Variants in SPIRE1 observed in about 807,000 individuals in gnomAD.
The protein encoded by SPIRE1 is spire type actin nucleation factor 1.
SPIRE1 carries 40 observed loss-of-function variants against 94.1 expected under a neutral mutation model. The observed-to-expected ratio is 0.43, with a 90% confidence interval of 0.33 to 0.55. The LOEUF is 0.55. SPIRE1 is among the 20% of genes least tolerant of loss of function. The pLI is 0.06. For synonymous variants in SPIRE1, 376 were observed against 371.7 expected, an observed-to-expected ratio of 1.01 and a Z score of -0.13; for missense variants, 838 against 975.2, an observed-to-expected ratio of 0.86 and a Z score of 1.87.
At chr18:12,661,273 A>C, upstream of SPIRE1, 1 of 607,204 alleles carries the variant, frequency 1.6e-6, no homozygotes, top group Non-Finnish European at 2.1e-6. Flanking sequence ...ACGCCATTGC[A>C]CCCCAGCCTG....
At chr18:12,574,018 C>G (rs971705790) in intron 2 of SPIRE1, among the ~76,000 whole-genome samples, 2 of 152,162 alleles carry the variant, frequency 1.3e-5, no homozygotes, top group South Asian at 2.1e-4. Context: ...AGATTACAGG[C>G]GTGAGCCACC....
chr18:12,635,144 T>A (rs773189895), intron 1 of SPIRE1, 48 bp from the exon 2 acceptor site: 23 of 984,910 alleles, frequency 2.3e-5, no homozygotes, highest in South Asian at 1.3e-4. Context: ...TCAGCTTTTT[T>A]AAATCATTGA....
intron 2 of SPIRE1, among the ~76,000 whole-genome samples, chr18:12,581,603 C>G (rs990951182): frequency 1.3e-5 from 2 of 152,174 alleles, no homozygotes; most frequent in African/African-American, 4.8e-5. Context: ...GTGGCTCATG[C>G]CCGTAATCCC....
intron 3 of SPIRE1, among the ~76,000 whole-genome samples, chr18:12,545,124 G>A (rs1478357582): frequency 6.6e-6 from 1 of 152,120 alleles, no homozygotes; most frequent in Non-Finnish European, 1.5e-5. Context: ...GTCATTTGTG[G>A]TCTGCAGAAA....
intron 2 of SPIRE1, among the ~76,000 whole-genome samples, chr18:12,563,032 T>A (rs1400013000): frequency 6.6e-6 from 1 of 152,148 alleles, no homozygotes; most frequent in East Asian, 1.9e-4. Context: ...AGATCTGTGT[T>A]TTCTATTGGT....
chr18:12,603,359 C>G (rs1244735589), intron 2 of SPIRE1, among the ~76,000 whole-genome samples: 1 of 152,136 alleles, frequency 6.6e-6, no homozygotes, highest in South Asian at 2.1e-4. Flanking sequence ...GTCTTCATCC[C>G]TATCTCCTGG....
intron 2 of SPIRE1, among the ~76,000 whole-genome samples, chr18:12,588,165 C>G (rs900323218): frequency 2.0e-5 from 3 of 152,118 alleles, no homozygotes; most frequent in South Asian, 2.1e-4. Context: ...TTTTTATTGT[C>G]AAATAATATT....
chr18:12,452,460 T>C, intron 15 of SPIRE1, 25 bp downstream of exon 15: 2 of 1,614,044 alleles, frequency 1.2e-6, no homozygotes, highest in Non-Finnish European at 1.7e-6. Flanking sequence ...GGAACACAAG[T>C]ATAAATGAAC....
At chr18:12,596,781 A>C (rs17616124) in intron 2 of SPIRE1, among the ~76,000 whole-genome samples, 1 of 152,192 alleles carries the variant, frequency 6.6e-6, no homozygotes, top group African/African-American at 2.4e-5. Context: ...GACAAAATAC[A>C]GTTGGGAAAT....
At chr18:12,658,919 C>T, upstream of SPIRE1, 1 of 256,852 alleles carries the variant, frequency 3.9e-6, no homozygotes, top group East Asian at 1.2e-4. Flanking sequence ...ACATTGGTCC[C>T]TTCCCTCACT....
Position 12,657,762 on chromosome 18 carries a change from G to A in SPIRE1, c.105C>T (p.Gly35=), listed in dbSNP as rs2038594284. 1 of 1,340,178 alleles carries A rather than the reference G, an allele frequency of 7.5e-7. No individual in the cohort carries two copies. Among genetic ancestry groups the A allele is most frequent in the Non-Finnish European group, 9.6e-7 (1 of 1,038,290 alleles). The allele number at this position is 1,340,178 out of a possible 1,614,324, so 83.0% of individuals were successfully genotyped here. A position where few individuals can be genotyped will look rare whatever the true frequency, so the allele number is the denominator to read the frequency against. ...EPGAAGGAAG[G]SRDALSLEEI... ...CCTCCAGGCTCAGCGCGTCCCGGGA[G>A]CCCCCGGCCGCGCCGCCGGCTGCCC... Residue 35 remains glycine (G), a synonymous_variant, in exon 1 of 17, where the codon GGC becomes GGT. Transcript: ENST00000409402.
intron 2 of SPIRE1, among the ~76,000 whole-genome samples, chr18:12,582,536 T>C (rs1462121907): frequency 2.6e-5 from 4 of 152,172 alleles, no homozygotes; most frequent in Non-Finnish European, 5.9e-5. Context: ...TCCACAATTA[T>C]TAACTAAAGC....
At chr18:12,557,989 T>C (rs1747340211) in intron 2 of SPIRE1, among the ~76,000 whole-genome samples, 1 of 152,258 alleles carries the variant, frequency 6.6e-6, no homozygotes, top group South Asian at 2.1e-4. Flanking sequence ...GGAATGAAAC[T>C]AGACCCCTAT....
intron 1 of SPIRE1, among the ~76,000 whole-genome samples, chr18:12,641,978 C>A (rs1053892454): frequency 6.6e-6 from 1 of 151,604 alleles, no homozygotes; most frequent in Non-Finnish European, 1.5e-5. Context: ...ACTACAGGCA[C>A]GCACCACCAC....
intron 7 of SPIRE1, among the ~76,000 whole-genome samples, chr18:12,494,854 A>AAG (rs2033388970): frequency 6.8e-6 from 1 of 146,684 alleles, no homozygotes; most frequent in East Asian, 2.0e-4. Flanking sequence ...AAAAAAAAAA[A>AAG]AAATACAAAA....
intron 12 of SPIRE1, among the ~76,000 whole-genome samples, chr18:12,461,092 G>C (rs1356495348): frequency 2.6e-5 from 4 of 152,084 alleles, no homozygotes; most frequent in African/African-American, 9.7e-5. Flanking sequence ...CAAAAAAACA[G>C]TGCACGGCCT....
chr18:12,486,130 G>A (rs2143811673), intron 8 of SPIRE1, 130 bp from the exon 9 acceptor site: 1 of 644,890 alleles, frequency 1.6e-6, no homozygotes, highest in Non-Finnish European at 2.7e-6. Context: ...GCAGGCAGAA[G>A]CTAGTGAATG....
chr18:12,545,388 AG>A (rs950778978), intron 3 of SPIRE1, among the ~76,000 whole-genome samples: 33 of 152,206 alleles, frequency 2.2e-4, no homozygotes, highest in African/African-American at 8.0e-4. Context: ...GTACCATCTA[AG>A]GAGGCCTAAG....
intron 2 of SPIRE1, among the ~76,000 whole-genome samples, chr18:12,628,984 T>C (rs2037706651): frequency 6.6e-6 from 1 of 152,230 alleles, no homozygotes; most frequent in Non-Finnish European, 1.5e-5. Flanking sequence ...GTCTTTTTAA[T>C]AGTTTCCCTC....
Sources: gnomAD v4.1 joint callset for allele counts (sites outside exome capture counted in the v4.1 genomes callset) on GRCh38, gnomAD v4.1.1 for gene constraint, MANE v1.5 for transcripts, NCBI Gene and HGNC (gene_info 2026-07-23, HGNC 2026-07-21) for gene names.